Variants in NPC1L1 observed in about 807,000 individuals in gnomAD.
NPC1L1 encodes the protein NPC1 like intracellular cholesterol transporter 1.
Under a neutral mutation model 117.0 loss-of-function variants are expected in NPC1L1, and 98 were observed. The observed-to-expected ratio is 0.84, with a 90% CI of 0.71 to 0.99. The LOEUF (loss-of-function observed/expected upper bound fraction) is 0.99, where lower values mean the gene tolerates loss of function less well. Among genes scored for constraint, NPC1L1 ranks in the 50% least tolerant of loss-of-function variants. The pLI is 0.00. For synonymous variants in NPC1L1, 729 were observed against 727.6 expected (o/e 1.00, Z -0.03); for missense variants, 1,540 against 1,710.0 (o/e 0.90, Z 1.75).
rs199573139 is a variant in NPC1L1 at position 44,538,787 on chromosome 7, C to T, written c.1580+30G>A. ...GCAGCCCAGCCCCAGCCCCAGCCCACTCCTCGCTTGGGCCCCACCATGGAC... is the reference window on the plus strand; with the variant it reads ...GCAGCCCAGCCCCAGCCCCAGCCCATTCCTCGCTTGGGCCCCACCATGGAC... On this transcript the variant is annotated intron_variant, in intron 2 of 18. Transcript: ENST00000381160. This position sits in a 1 kb window ranked among gnomAD's most constrained non-coding sequence, Gnocchi z 5.9. The T allele has an allele frequency of 1.4e-4, 223 of 1,610,840 alleles. No homozygotes were observed. In the African/African-American group the frequency reaches 2.3e-3, roughly 17 times the overall value.
At chr7:44,516,020 A>C in intron 17 of NPC1L1, 55 bp from the exon 18 acceptor site, 1 of 1,609,934 alleles carries the variant, frequency 6.2e-7, no homozygotes, top group Non-Finnish European at 8.5e-7. Context: ...GGCAGGGCAC[A>C]GGGCATCAGG....
intron 9 of NPC1L1, 115 bp from the exon 10 acceptor site, chr7:44,531,959 C>G: frequency 6.5e-7 from 1 of 1,530,872 alleles, no homozygotes; most frequent in South Asian, 1.2e-5. Context: ...AGCAGACTTG[C>G]GTGCCAGCCC....
rs1228016563 is a variant in NPC1L1 at position 44,539,882 on chromosome 7, C to T, written c.515G>A (p.Cys172Tyr). 6.2e-7 allele frequency: 1 copy of T among 1,614,072 alleles called. No individual in the cohort carries two copies. The highest frequency in any genetic ancestry group is 8.5e-7 in the Non-Finnish European group (1 of 1,180,040). Reference protein sequence around the residue: ...HSFAEQSYDSCSRVRVPAAAT... With the variant: ...HSFAEQSYDSYSRVRVPAAAT... The stretch of plus-strand genomic sequence containing the variant: ...AGCTGCAGGGACGCGCACACGGCTG[C>T]AGGAGTCATAGCTCTGCTCGGCAAA... Residue 172 changes from cysteine to tyrosine, a missense_variant, in exon 2 of 19, where the codon TGC becomes TAC. By Grantham distance (194) the Cys-to-Tyr change is radical (BLOSUM62 -2). Coordinates refer to ENST00000381160, the MANE Select transcript of NPC1L1 (RefSeq NM_001101648.2). The surrounding 1 kb of genome is among the most constrained non-coding windows in gnomAD (Gnocchi z 4.4).
chr7:44,514,137 G>A (rs1801118024), intron 18 of NPC1L1, among the ~76,000 whole-genome samples: 2 of 152,138 alleles, frequency 1.3e-5, no homozygotes, highest in African/African-American at 4.8e-5. Context: ...CCTGCCTCGG[G>A]GGTAGTAAGA....
At chr7:44,529,865 C>A (rs139159629) in intron 10 of NPC1L1, among the ~76,000 whole-genome samples, 254 of 151,372 alleles carry the variant, frequency 1.7e-3, no homozygotes, top group African/African-American at 5.9e-3. Context: ...GAAACCCTGT[C>A]TCTACTAAAA....
Position 44,517,253 on chromosome 7 carries a change from G to A in NPC1L1, c.3241C>T (p.Arg1081Trp), listed in dbSNP as rs371709072. Residue 1081 changes from arginine (R) to tryptophan (W), a missense_variant, in exon 15 of 19, where the codon CGG becomes TGG. Arg to Trp is a moderately radical substitution (Grantham distance 101, BLOSUM62 -3). Coordinates refer to ENST00000381160, the MANE Select transcript of NPC1L1 (RefSeq NM_001101648.2). ...ELAANITADL[R>W]KVPGTDPAFE... is the part of the protein sequence containing the mutation. Reference sequence around the variant, plus strand: ...GCCGGGTCTGTTCCAGGCACTTTCCGCAGGTCAGCAGTGATGTTGGCTGCC... The same window carrying A: ...GCCGGGTCTGTTCCAGGCACTTTCCACAGGTCAGCAGTGATGTTGGCTGCC... The A allele has an allele frequency of 9.9e-6, 16 of 1,614,018 alleles. No individual in the cohort carries two copies. The highest frequency in any genetic ancestry group is 4.0e-5 in the African/African-American group (3 of 74,928).
chr7:44,524,911 A>G (rs1184206857), intron 10 of NPC1L1, among the ~76,000 whole-genome samples: 1 of 152,136 alleles, frequency 6.6e-6, no homozygotes, highest in Non-Finnish European at 1.5e-5. Context: ...TAAAAAGTAC[A>G]GTAACTTAAA....
rs528684690 is a variant in NPC1L1, at chr7:44,518,063, T to C, written c.3137-706A>G. Among the ~76,000 whole-genome samples the C allele has an allele frequency of 2.0e-5, 3 of 150,932 alleles. No individual in the cohort carries two copies. The South Asian group carries it at 6.3e-4, about 32-fold the overall frequency. ...TCAGGAGGCAGAGGCTGCAGTGAGC[T>C]GAGATCATGCTACTGCACTCCAGCT... On this transcript the variant is annotated intron_variant, in intron 14 of 18. Transcript: ENST00000381160.
chr7:44,534,974 C>T lies in NPC1L1; in HGVS notation c.1984-345G>A, dbSNP rs114626639. Among the ~76,000 whole-genome samples, 151 of 152,292 alleles carry T rather than the reference C, an allele frequency of 9.9e-4. No homozygotes were observed. The highest frequency in any genetic ancestry group is 3.4e-3 in the African/African-American group (141 of 41,568). Reference sequence around the variant, plus strand: ...TTAGGCCAGGTGTGCTGGCTCACACCTGTAATCTCAACATTTTGGGAGGCT... The same window carrying T: ...TTAGGCCAGGTGTGCTGGCTCACACTTGTAATCTCAACATTTTGGGAGGCT... On this transcript the variant is annotated intron_variant, in intron 5 of 18. Transcript: ENST00000381160. This position sits in a 1 kb window ranked among gnomAD's most constrained non-coding sequence, Gnocchi z 5.2.
intron 10 of NPC1L1, 107 bp from the exon 11 acceptor site, chr7:44,522,349 G>T: frequency 9.2e-7 from 1 of 1,087,014 alleles, no homozygotes; most frequent in Non-Finnish European, 1.4e-6. Context: ...ATGCTAAAAG[G>T]CACATGTTCA....
At position 44,516,909 on chromosome 7, in the gene NPC1L1, AC is replaced by A; in HGVS notation, c.3312del (p.Gln1104HisfsTer3). 6.2e-7 allele frequency: 1 copy of A among 1,613,782 alleles called. No homozygotes were observed. Among genetic ancestry groups the A allele is most frequent in the Non-Finnish European group, 8.5e-7 (1 of 1,179,942 alleles). On this transcript the variant is annotated frameshift_variant, in exon 16 of 19. Transcript: ENST00000381160. LOFTEE classifies it high-confidence loss of function. ...PYTITNVFYE[Q>X]YLTILPEGLF... is the part of the protein sequence containing the mutation. ...AGCCCCTCAGGGAGGATGGTCAGGT[AC>A]TGCTCATAAAACACATTGGTGATCC...
At chr7:44,532,843 T>C (rs1801746376) in intron 8 of NPC1L1, among the ~76,000 whole-genome samples, 1 of 152,220 alleles carries the variant, frequency 6.6e-6, no homozygotes, top group Non-Finnish European at 1.5e-5. Flanking sequence ...CCAGGCATGG[T>C]GGCTCACGCC....
intron 14 of NPC1L1, among the ~76,000 whole-genome samples, chr7:44,519,808 CTTTCTT>C (rs1044002476): frequency 6.7e-6 from 1 of 149,166 alleles, no homozygotes; most frequent in African/African-American, 2.5e-5. Flanking sequence ...TTACTTTTTT[CTTTCTT>C]TTTTTTTTTG....
rs1801796755 is a variant in NPC1L1, at chr7:44,534,375, C to A, written c.2166+72G>T. The A allele has an allele frequency of 6.7e-7, 1 of 1,486,020 alleles. No homozygotes were observed. The allele number at this position is 1,486,020 out of a possible 1,614,324, so 92.1% of individuals were successfully genotyped here. A position where few individuals can be genotyped will look rare whatever the true frequency, so the allele number is the denominator to read the frequency against. ...AGACCCAGCAAATTCACGCCAGAGT[C>A]CCATCAGGCCAGGAGGTGAGGTTGG... On this transcript the variant is annotated intron_variant, in intron 6 of 18. Transcript: ENST00000381160. The surrounding 1 kb of genome is among the most constrained non-coding windows in gnomAD (Gnocchi z 5.2).
chr7:44,521,054 C>T lies in NPC1L1; in HGVS notation c.3018G>A (p.Glu1006=). The T allele has an allele frequency of 6.2e-7, 1 of 1,614,164 alleles. No homozygotes were observed. Among genetic ancestry groups the T allele is most frequent in the Non-Finnish European group, 8.5e-7 (1 of 1,180,040 alleles). The change falls in exon 13 of 19, where the codon GAG becomes GAA. Residue 1006 remains glutamate (E), a synonymous_variant. Coordinates refer to ENST00000381160, the MANE Select transcript of NPC1L1 (RefSeq NM_001101648.2). ...ACCAGGGAAGATACTTATGGAACTGCTCCACCGAGGGCCTCACAGAGCCCA... is the reference window on the plus strand; with the variant it reads ...ACCAGGGAAGATACTTATGGAACTGTTCCACCGAGGGCCTCACAGAGCCCA... ...ITMGSVRPSV[E]QFHKYLPWFL... is the part of the protein sequence containing the mutation.
At chr7:44,529,510 C>T (rs1801631284) in intron 10 of NPC1L1, among the ~76,000 whole-genome samples, 2 of 151,794 alleles carry the variant, frequency 1.3e-5, no homozygotes, top group Non-Finnish European at 2.9e-5. Context: ...TCCTGAGTAG[C>T]TGGGATTACA....
chr7:44,519,046 T>C lies in NPC1L1; in HGVS notation c.3137-1689A>G, dbSNP rs140293093. 3.8e-3 allele frequency among the ~76,000 whole-genome samples: 571 copies of C among 151,706 alleles called. 6 individuals carry two copies. The highest frequency in any genetic ancestry group is 0.013 in the African/African-American group (554 of 41,482). Reference sequence around the variant, plus strand: ...CTTTCTTTCTTTTCTTTTCTTTTCTTTCCTTTTCTTCTCTCTTCTTTTCTT... The same window carrying C: ...CTTTCTTTCTTTTCTTTTCTTTTCTCTCCTTTTCTTCTCTCTTCTTTTCTT... On this transcript the variant is annotated intron_variant, in intron 14 of 18. Coordinates refer to ENST00000381160, the MANE Select transcript of NPC1L1 (RefSeq NM_001101648.2).
rs772348526 is a variant in NPC1L1 at position 44,521,749 on chromosome 7, A to G, written c.2916T>C (p.Ser972=). 6.2e-7 allele frequency: 1 copy of G among 1,614,158 alleles called. No individual in the cohort carries two copies. ...TPSSCCRLYI[S]GPNKDKFCPS... is the part of the protein sequence containing the mutation. ...GGCAGAACTTGTCCTTATTGGGGCC[A>G]GATATATAAAGGCGGCAGCAGGAGG... The change falls in exon 12 of 19, where the codon TCT becomes TCC. Residue 972 remains serine, a synonymous_variant. Transcript: ENST00000381160.
At position 44,536,252 on chromosome 7, in the gene NPC1L1, C is replaced by G; in HGVS notation, c.1854+4G>C. 6.2e-7 allele frequency: 1 copy of G among 1,613,372 alleles called. No homozygotes were observed. The highest frequency in any genetic ancestry group is 1.9e-4 in the Middle Eastern group (1 of 5,390). On this transcript the variant is annotated splice_donor_region_variant and intron_variant, in intron 4 of 18. Coordinates refer to ENST00000381160, the MANE Select transcript of NPC1L1 (RefSeq NM_001101648.2). This position sits in a 1 kb window ranked among gnomAD's most constrained non-coding sequence, Gnocchi z 4.7. ...CCCAGAGCCAGGGACCCTGCAGCCCCTACCTCAGCCATGAACGTGACCTGG... is the reference window on the plus strand; with the variant it reads ...CCCAGAGCCAGGGACCCTGCAGCCCGTACCTCAGCCATGAACGTGACCTGG...
Sources: gnomAD v4.1 joint callset for allele counts (sites outside exome capture counted in the v4.1 genomes callset) on GRCh38, gnomAD v4.1.1 for gene constraint, Gnocchi (gnomAD v3.1) non-coding constraint, MANE v1.5 for transcripts, NCBI Gene and HGNC (gene_info 2026-07-23, HGNC 2026-07-21) for gene names.